SH3RF2: variants seen among roughly 807,000 people sequenced by gnomAD.
SH3RF2 encodes E3 ubiquitin-protein ligase SH3RF2.
In SH3RF2, 43 loss-of-function variants were observed where a neutral mutation model predicts 59.0. The ratio of observed to expected loss-of-function variants is 0.73; its 90% CI spans 0.57 to 0.94. The LOEUF (loss-of-function observed/expected upper bound fraction) is 0.94, where lower values mean the gene tolerates loss of function less well. SH3RF2 is among the 40% of genes least tolerant of loss of function. SH3RF2 has a pLI of 0.00. For synonymous variants in SH3RF2, 391 were observed against 391.5 expected (o/e 1.00, Z 0.01); for missense variants, 930 against 940.1 (o/e 0.99, Z 0.14).
chr5:145,967,273 C>T (rs1032058094), intron 2 of SH3RF2, among the ~76,000 whole-genome samples: 4 of 152,020 alleles, frequency 2.6e-5, no homozygotes, highest in Admixed American at 6.6e-5. Flanking sequence ...AGATATCAAG[C>T]GACTCCTCTA....
At chr5:146,005,838 G>T (rs1417439540) in intron 4 of SH3RF2, among the ~76,000 whole-genome samples, 1 of 119,604 alleles carries the variant, frequency 8.4e-6, no homozygotes, top group Non-Finnish European at 1.6e-5. Context: ...GCCTAACACA[G>T]AACAAGCACT....
chr5:145,937,302 A>G (rs1406667956), intron 1 of SH3RF2, among the ~76,000 whole-genome samples: 2 of 152,168 alleles, frequency 1.3e-5, no homozygotes, highest in South Asian at 4.1e-4. Flanking sequence ...ATCATGTGGG[A>G]AGGTATATTG....
chr5:146,058,942 C>A (rs1255584280), intron 8 of SH3RF2, among the ~76,000 whole-genome samples: 3 of 151,768 alleles, frequency 2.0e-5, no homozygotes, highest in Non-Finnish European at 4.4e-5. Flanking sequence ...TTGGACCTTG[C>A]ATTTTTAGGA....
chr5:146,017,077 C>T (rs1479751015), intron 5 of SH3RF2, among the ~76,000 whole-genome samples: 1 of 152,150 alleles, frequency 6.6e-6, no homozygotes, highest in Admixed American at 6.5e-5. Context: ...ATATTTTTTC[C>T]CCTTTGTCAT....
At chr5:146,067,480 T>C (rs1158561732), downstream of SH3RF2, among the ~76,000 whole-genome samples, 2 of 152,138 alleles carry the variant, frequency 1.3e-5, no homozygotes, top group Non-Finnish European at 2.9e-5. Context: ...GCCGAATACT[T>C]AGGGATCAGC....
At chr5:145,959,926 A>G (rs985767781) in intron 2 of SH3RF2, among the ~76,000 whole-genome samples, 4 of 152,110 alleles carry the variant, frequency 2.6e-5, no homozygotes, top group African/African-American at 7.2e-5. Context: ...CTAACTCCCA[A>G]TTCAAAATTC....
chr5:145,964,162 CT>C lies in SH3RF2; in HGVS notation c.378+25863del, dbSNP rs977142844. Among the ~76,000 whole-genome samples the C allele has an allele frequency of 3.7e-3, 565 of 151,644 alleles. 5 individuals carry two copies. The highest frequency in any genetic ancestry group is 0.013 in the African/African-American group (518 of 41,412). ...CTTTCTTTCCTTCCTTCCTTCTTTT[CT>C]TTTTTTCTTTCTTTCTTTTTCTTTC... is the stretch of plus-strand genomic sequence containing the variant. On this transcript the variant is annotated intron_variant, in intron 2 of 9. Coordinates refer to ENST00000359120, the MANE Select transcript of SH3RF2 (RefSeq NM_152550.4).
At chr5:145,964,858 G>A (rs752932043) in intron 2 of SH3RF2, among the ~76,000 whole-genome samples, 9 of 152,052 alleles carry the variant, frequency 5.9e-5, no homozygotes, top group East Asian at 1.9e-4. Context: ...AACTCATTTC[G>A]TAGGCTTTTG....
chr5:145,990,431 G>A (rs1379896372), intron 2 of SH3RF2, among the ~76,000 whole-genome samples: 1 of 152,172 alleles, frequency 6.6e-6, no homozygotes, highest in Non-Finnish European at 1.5e-5. Flanking sequence ...CCTCATCACT[G>A]TGCTGAGGGT....
intron 2 of SH3RF2, among the ~76,000 whole-genome samples, chr5:145,991,056 C>T (rs945038005): frequency 1.2e-4 from 18 of 152,180 alleles, no homozygotes; most frequent in Admixed American, 7.9e-4. Context: ...AAGCAAATTG[C>T]ATTCACATTC....
chr5:145,977,849 A>T (rs2149966751), intron 2 of SH3RF2, among the ~76,000 whole-genome samples: 1 of 152,330 alleles, frequency 6.6e-6, no homozygotes, highest in East Asian at 1.9e-4. Context: ...TATCTAGAAC[A>T]GTTTTGGCAC....
At chr5:146,080,269 A>C (rs1286007329) in exon 10 of SH3RF2, 5 of 152,034 alleles carry the variant, frequency 3.3e-5, no homozygotes, top group African/African-American at 1.2e-4. Flanking sequence ...GGTCGGGGGA[A>C]GGGGTGTTAA....
chr5:145,953,699 T>C (rs1381597779), intron 2 of SH3RF2, among the ~76,000 whole-genome samples: 2 of 152,164 alleles, frequency 1.3e-5, no homozygotes, highest in African/African-American at 4.8e-5. Context: ...TCTGCTCCTC[T>C]CCCTCCTCCT....
rs781515991 is a variant in SH3RF2, at chr5:146,056,218, G to C, written c.1555+5G>C. On this transcript the variant is annotated splice_donor_5th_base_variant and intron_variant, in intron 8 of 9. Transcript: ENST00000359120. ...GGCGGAGCAGCATGAGAAAGAGTAA[G>C]TGGTGGCAGAGAGGTACGTGCCTAG... is the stretch of plus-strand genomic sequence containing the variant. The C allele has an allele frequency of 2.5e-6, 4 of 1,614,088 alleles. No homozygotes were observed. The highest frequency in any genetic ancestry group is 1.6e-4 in the Middle Eastern group (1 of 6,084).
In SH3RF2 at chr5:145,938,250, C is replaced by G; in HGVS notation, c.322C>G (p.Arg108Gly). Residue 108 changes from arginine (R) to glycine (G), a missense_variant, in exon 2 of 10, where the codon CGT (arginine) becomes GGT (glycine). By Grantham distance (125) the Arg-to-Gly change is moderately radical. Transcript: ENST00000359120. ...DGRKSRTNPRRLQASPFRLVP... is the reference protein window; with the variant it reads ...DGRKSRTNPRGLQASPFRLVP... The stretch of plus-strand genomic sequence containing the variant: ...CAGGAAAAGCAGGACCAACCCCAGA[C>G]GTCTGCAGGCCAGTCCTTTCCGGCT... The G allele has an allele frequency of 6.2e-7, 1 of 1,605,918 alleles. No individual in the cohort carries two copies. Among genetic ancestry groups the G allele is most frequent in the South Asian group, 1.1e-5 (1 of 90,358 alleles).
At chr5:146,081,737 A>G (rs1464308939) in exon 10 of SH3RF2, 2 of 152,318 alleles carry the variant, frequency 1.3e-5, no homozygotes, top group African/African-American at 4.8e-5. Flanking sequence ...TATGTCTTTT[A>G]GCATGAAACA....
chr5:146,062,571 T>A lies in SH3RF2; in HGVS notation c.2060T>A (p.Val687Asp). 5.6e-6 allele frequency: 9 copies of A among 1,614,042 alleles called. No individual in the cohort carries two copies. The highest frequency in any genetic ancestry group is 7.6e-6 in the Non-Finnish European group (9 of 1,179,984). ...GCGTCCTTGGGCCCAGAGATGACCG[T>A]CCTATTTGCCCACCGAAGTGGCTGC... ...EAASLGPEMT[V>D]LFAHRSGCHS... is the part of the protein sequence containing the mutation. The change falls in exon 10 of 10, where the codon GTC becomes GAC. Residue 687 changes from valine (V) to aspartate (D), a missense_variant. By Grantham distance (152) the Val-to-Asp change is radical. Coordinates refer to ENST00000359120, the MANE Select transcript of SH3RF2 (RefSeq NM_152550.4).
intron 5 of SH3RF2, among the ~76,000 whole-genome samples, chr5:146,020,409 G>T (rs746396929): frequency 2.0e-5 from 3 of 152,094 alleles, no homozygotes; most frequent in South Asian, 2.1e-4. Flanking sequence ...GCATTATTCT[G>T]GGCAATGAAC....
intron 7 of SH3RF2, among the ~76,000 whole-genome samples, chr5:146,051,812 C>T (rs138904863): frequency 1.6e-4 from 25 of 152,218 alleles, no homozygotes; most frequent in East Asian, 1.5e-3. Context: ...ATTTAAAGCC[C>T]TGAAACGAGA....
Sources: allele counts gnomAD v4.1 joint callset (sites outside exome capture counted in the v4.1 genomes callset), GRCh38; gene constraint gnomAD v4.1.1; transcripts MANE v1.5; gene names NCBI Gene and HGNC (gene_info 2026-07-23, HGNC 2026-07-21).